Variants in ADGRE2 observed in about 807,000 individuals in gnomAD.
ADGRE2 encodes CD97 antigen.
A neutral mutation model predicts 100.8 loss-of-function variants in ADGRE2; 83 were observed. The ratio of observed to expected loss-of-function variants is 0.82; its 90% CI spans 0.69 to 0.99. The LOEUF (loss-of-function observed/expected upper bound fraction) is 0.99, where lower values mean the gene tolerates loss of function less well. ADGRE2 is among the 50% of genes least tolerant of loss of function. The probability of loss-of-function intolerance (pLI) is 0.00; values close to 1 mark genes in which losing one functional copy is unlikely to be tolerated. For missense variants in ADGRE2, 814 were observed against 1,035.7 expected (o/e 0.79, Z 2.94); for synonymous variants, 355 against 413.0 (o/e 0.86, Z 1.70).
chr19:14,757,066 C>T (rs187834667), intron 11 of ADGRE2, among the ~76,000 whole-genome samples: 11 of 152,116 alleles, frequency 7.2e-5, no homozygotes, highest in African/African-American at 2.7e-4. Flanking sequence ...CCACAGCCAG[C>T]TAATTTTTAA....
rs1277228096 is a variant in ADGRE2, at chr19:14,763,811, C to A, written c.1084+622G>T. On this transcript the variant is annotated intron_variant, in intron 11 of 20. Transcript: ENST00000315576. The stretch of plus-strand genomic sequence containing the variant: ...CTCCTCCTCCTCTCTTTCTCCATTC[C>A]TCCTCTTCCTCCTCTCCTCCTCCTT... Among the ~76,000 whole-genome samples, 76 of 97,348 alleles carry A rather than the reference C, an allele frequency of 7.8e-4. 1 individual carries two copies. The highest frequency in any genetic ancestry group is 2.7e-3 in the African/African-American group (68 of 25,318). The allele number at this position is 97,348 out of a possible 152,430, so 63.9% of individuals were successfully genotyped here. A position where few individuals can be genotyped will look rare whatever the true frequency, so the allele number is the denominator to read the frequency against.
At chr19:14,750,899 G>A (rs929536009) in intron 16 of ADGRE2, among the ~76,000 whole-genome samples, 2 of 152,030 alleles carry the variant, frequency 1.3e-5, no homozygotes, top group African/African-American at 4.8e-5. Flanking sequence ...CTGCAACTTC[G>A]AACTCCTGGG....
intron 16 of ADGRE2, among the ~76,000 whole-genome samples, chr19:14,749,384 T>G (rs2043193386): frequency 7.0e-6 from 1 of 142,624 alleles, no homozygotes; most frequent in African/African-American, 2.5e-5. Flanking sequence ...ATCATATTAT[T>G]TATAGTTATA....
chr19:14,767,720 G>T (rs191705023), intron 5 of ADGRE2, among the ~76,000 whole-genome samples: 2 of 152,324 alleles, frequency 1.3e-5, no homozygotes, highest in East Asian at 3.9e-4. Flanking sequence ...GGTCAGGGTG[G>T]GATTTTCTTG....
chr19:14,755,551 T>C (rs1764020329), intron 13 of ADGRE2, 103 bp downstream of exon 13: 1 of 1,018,358 alleles, frequency 9.8e-7, no homozygotes, highest in Non-Finnish European at 1.5e-6. Flanking sequence ...GGGGAGATAA[T>C]GTACCCATAA....
At chr19:14,746,366 C>A (rs763064043) in intron 17 of ADGRE2, 43 bp from the exon 18 acceptor site, 4 of 1,071,026 alleles carry the variant, frequency 3.7e-6, no homozygotes, top group African/African-American at 3.9e-5. Flanking sequence ...ATTTTGAAAC[C>A]TGTTATCTCT....
intron 20 of ADGRE2, among the ~76,000 whole-genome samples, chr19:14,736,903 CTATATATTTAGAAATATA>C (rs201662944): frequency 9.6e-5 from 13 of 134,830 alleles, no homozygotes; most frequent in South Asian, 4.9e-4. Flanking sequence ...TATTTAATAT[CTATATATTTAGAAATATA>C]TATATATTTA....
downstream of ADGRE2, chr19:14,731,853 C>G (rs951772477): frequency 6.6e-6 from 1 of 152,168 alleles, no homozygotes; most frequent in African/African-American, 2.4e-5. Flanking sequence ...AGAGAATGGA[C>G]TTAATAAATT....
chr19:14,745,030 C>T (rs1190580579), intron 18 of ADGRE2, among the ~76,000 whole-genome samples: 2 of 151,902 alleles, frequency 1.3e-5, no homozygotes, highest in African/African-American at 4.8e-5. Flanking sequence ...GCTGGGATTA[C>T]AGGCACCCGC....
chr19:14,764,441 G>C lies in ADGRE2; in HGVS notation c.1076C>G (p.Ala359Gly), dbSNP rs556325856. The stretch of plus-strand genomic sequence containing the variant: ...CAGACCCAGGGACCTACCTGTGCCT[G>C]CAGGATAACTGAAGTTCAACAGCCC... ...SNGLLNFSYP[A>G]GTELSLEVQK... is the part of the protein sequence containing the mutation. The change falls in exon 11 of 21, where the codon GCA becomes GGA. Residue 359 changes from alanine (A) to glycine (G), a missense_variant. Coordinates refer to ENST00000315576, the MANE Select transcript of ADGRE2 (RefSeq NM_013447.4). 8.1e-6 allele frequency: 13 copies of C among 1,613,018 alleles called. No individual in the cohort carries two copies. In the East Asian group the frequency reaches 2.7e-4, roughly 33 times the overall value.
chr19:14,774,352 G>C lies in ADGRE2; in HGVS notation c.32-46C>G, dbSNP rs758693295. ...GGGGTCAGAGGGGATCCCAGGGTGG[G>C]AAAGGAGGCGTAAGGGTGATGCACT... is the stretch of plus-strand genomic sequence containing the variant. On this transcript the variant is annotated intron_variant, in intron 2 of 20. Coordinates refer to ENST00000315576, the MANE Select transcript of ADGRE2 (RefSeq NM_013447.4). 23 of 1,216,762 alleles carry C rather than the reference G, an allele frequency of 1.9e-5. No individual in the cohort carries two copies. In the South Asian group the frequency reaches 3.3e-4, roughly 17 times the overall value. 75.4% of individuals were successfully genotyped at this position (1,216,762 alleles called of 1,614,324 possible). A position where few individuals can be genotyped will look rare whatever the true frequency, so the allele number is the denominator to read the frequency against.
In ADGRE2 at chr19:14,751,444, T is replaced by C. The variant is rs1301296866; in HGVS notation, c.2016A>G (p.Thr672=). The C allele has an allele frequency of 1.2e-6, 2 of 1,612,844 alleles. No individual in the cohort carries two copies. Among genetic ancestry groups the C allele is most frequent in the Admixed American group, 1.7e-5 (1 of 59,978 alleles). ...TGAGAATTTGCACTAACCGGGAAGG[T>C]GTTCCATAAAGGTGAGGCCTGGAGG... ...SAASRPHLYG[T]PSRCWLQPEK... is the part of the protein sequence containing the mutation. The change falls in exon 16 of 21, where the codon ACA becomes ACG. Residue 672 remains threonine (T), a synonymous_variant. Coordinates refer to ENST00000315576, the MANE Select transcript of ADGRE2 (RefSeq NM_013447.4).
the ADGRE2 span, among the ~76,000 whole-genome samples, chr19:14,727,110 C>T: frequency 2.0e-5 from 3 of 147,204 alleles, no homozygotes; most frequent in South Asian, 6.4e-4. Flanking sequence ...TCACTACAAG[C>T]TCCGCCTCCT....
intron 18 of ADGRE2, among the ~76,000 whole-genome samples, 191 bp from the exon 19 acceptor site, chr19:14,743,975 C>T (rs1269124555): frequency 6.6e-6 from 1 of 152,200 alleles, no homozygotes; most frequent in African/African-American, 2.4e-5. Flanking sequence ...CACGGTGGCT[C>T]ATGCCTGTAA....
chr19:14,775,086 T>A (rs772589888), intron 2 of ADGRE2, among the ~76,000 whole-genome samples: 4 of 151,736 alleles, frequency 2.6e-5, no homozygotes, highest in Non-Finnish European at 4.4e-5. Flanking sequence ...CACTGCAATC[T>A]CCACCTCCTG....
At position 14,746,933 on chromosome 19, in the gene ADGRE2, A is replaced by G; in HGVS notation, c.2054T>C (p.Ile685Thr). The change falls in exon 17 of 21, where the codon ATA (isoleucine) becomes ACA (threonine). Residue 685 changes from isoleucine to threonine, a missense_variant. Around this residue, in one of 5 missense-constraint regions of ADGRE2, gnomAD observed 569 missense variants for 692.7 expected, o/e 0.82. Coordinates refer to ENST00000315576, the MANE Select transcript of ADGRE2 (RefSeq NM_013447.4). ...GCAGACAGGTCCAAGGAAGCCCCAT[A>G]TAAATCCCTTTTCTGGTTGGAGCCA... ...RCWLQPEKGF[I>T]WGFLGPVCAI... The G allele has an allele frequency of 6.2e-7, 1 of 1,613,782 alleles. No homozygotes were observed. The highest frequency in any genetic ancestry group is 8.5e-7 in the Non-Finnish European group (1 of 1,179,908).
intron 16 of ADGRE2, among the ~76,000 whole-genome samples, chr19:14,748,170 CTTGT>C (rs1317119817): frequency 1.3e-5 from 2 of 152,090 alleles, no homozygotes; most frequent in African/African-American, 4.8e-5. Context: ...CTGAAGTTTC[CTTGT>C]TTGTGTCCAT....
rs934218723 is a variant in ADGRE2 at position 14,753,282 on chromosome 19, C to A, written c.1591-756G>T. The stretch of plus-strand genomic sequence containing the variant: ...ATGCAGGTTTATGTCCAGCAGGAGA[C>A]TTGTGGAGGGGGGAGCTAGCTTCGT... On this transcript the variant is annotated intron_variant, in intron 14 of 20. Coordinates refer to ENST00000315576, the MANE Select transcript of ADGRE2 (RefSeq NM_013447.4). 1.3e-4 allele frequency among the ~76,000 whole-genome samples: 20 copies of A among 151,982 alleles called. No homozygotes were observed. The East Asian group carries it at 3.7e-3, about 28-fold the overall frequency.
chr19:14,766,814 C>CAG (rs2043998087), intron 6 of ADGRE2, among the ~76,000 whole-genome samples, 164 bp downstream of exon 6: 1 of 152,200 alleles, frequency 6.6e-6, no homozygotes, highest in Non-Finnish European at 1.5e-5. Context: ...TGCCGTGTGG[C>CAG]GAGTCCTTCC....
Sources: gnomAD v4.1 joint callset for allele counts (sites outside exome capture counted in the v4.1 genomes callset) on GRCh38, gnomAD v4.1.1 for gene constraint, gnomAD v4.1.1 regional missense constraint, MANE v1.5 for transcripts, NCBI Gene and HGNC (gene_info 2026-07-23, HGNC 2026-07-21) for gene names.